THAP9: variants seen among roughly 807,000 people sequenced by gnomAD.
The protein encoded by THAP9 is THAP domain containing 9.
A neutral mutation model predicts 35.7 loss-of-function variants in THAP9; 20 were observed. The ratio of observed to expected loss-of-function variants is 0.56; its 90% CI spans 0.39 to 0.81. THAP9 has a LOEUF of 0.81. Among genes scored for constraint, THAP9 ranks in the 40% least tolerant of loss-of-function variants. THAP9 has a pLI of 0.00. For synonymous variants in THAP9, 335 were observed against 373.7 expected, an observed-to-expected ratio of 0.90 and a Z score of 1.19; for missense variants, 870 against 1,047.4, an observed-to-expected ratio of 0.83 and a Z score of 2.34.
intron 4 of THAP9, among the ~76,000 whole-genome samples, chr4:82,911,904 G>C (rs1044479694): frequency 2.0e-5 from 3 of 152,140 alleles, no homozygotes; most frequent in Admixed American, 6.5e-5. Flanking sequence ...CATAATGATG[G>C]AGAAACAATT....
At chr4:82,905,430 C>G (rs1157687061) in intron 2 of THAP9, among the ~76,000 whole-genome samples, 1 of 152,032 alleles carries the variant, frequency 6.6e-6, no homozygotes, top group East Asian at 1.9e-4. Flanking sequence ...TTATTTTATC[C>G]TTTTACCCCT....
chr4:82,917,025 T>A lies in THAP9; in HGVS notation c.813T>A (p.Asp271Glu). The A allele has an allele frequency of 6.3e-7, 1 of 1,597,406 alleles. No homozygotes were observed. The highest frequency in any genetic ancestry group is 1.1e-5 in the South Asian group (1 of 88,448). ...SFLQRRVENG[D>E]QLYQYCSLLI... ...TTCAACGAAGAGTAGAGAATGGAGA[T>A]CAGCTCTATCAATACTGTTCATTGT... The change falls in exon 5 of 5, where the codon GAT becomes GAA. Residue 271 changes from aspartate to glutamate, a missense_variant. Asp to Glu is a conservative substitution (Grantham distance 45). Coordinates refer to ENST00000302236, the MANE Select transcript of THAP9 (RefSeq NM_024672.6).
In THAP9 at chr4:82,919,215, A is replaced by G. The variant is rs1490747449; in HGVS notation, c.*291A>G. 1.3e-5 allele frequency: 3 copies of G among 223,588 alleles called. No homozygotes were observed. Among genetic ancestry groups the G allele is most frequent in the Non-Finnish European group, 2.6e-5 (3 of 113,914 alleles). The allele number at this position is 223,588 out of a possible 1,614,324, so 13.9% of individuals were successfully genotyped here. A position where few individuals can be genotyped will look rare whatever the true frequency, so the allele number is the denominator to read the frequency against. ...GTAAGACTAAGCAGTGTTACTGGAC[A>G]CAGTTTTAACTTGTTCAATCTGCTT... On this transcript the variant is annotated 3_prime_UTR_variant, in exon 5 of 5. Coordinates refer to ENST00000302236, the MANE Select transcript of THAP9 (RefSeq NM_024672.6).
intron 1 of THAP9, among the ~76,000 whole-genome samples, chr4:82,904,058 CTTTTTTTTTTT>C (rs59655406): frequency 2.4e-5 from 2 of 82,210 alleles, no homozygotes; most frequent in South Asian, 3.7e-4. Context: ...TAGGCTCCCC[CTTTTTTTTTTT>C]TTTTTTTTTT....
intron 4 of THAP9, 114 bp downstream of exon 4, chr4:82,908,049 T>A (rs1720725381): frequency 1.7e-6 from 2 of 1,168,596 alleles, no homozygotes; most frequent in African/African-American, 3.2e-5. Context: ...TGTTGCATTT[T>A]ACTTATTAAG....
chr4:82,907,885 TGATTATGTAAGAAA>T lies in THAP9; in HGVS notation c.686_699del (p.Tyr229SerfsTer2). On this transcript the variant is annotated frameshift_variant, in exon 4 of 5. Coordinates refer to ENST00000302236, the MANE Select transcript of THAP9 (RefSeq NM_024672.6). LOFTEE classifies it low-confidence loss of function (END_TRUNC). ...TCTACTTGTGCAGTAGCAAAGTCTA[TGATTATGTAAGAAA>T]GATTCTTAAGCTGCCTCATTCTTCC... 1 of 1,612,306 alleles carries T rather than the reference TGATTATGTAAGAAA, an allele frequency of 6.2e-7. No homozygotes were observed. The highest frequency in any genetic ancestry group is 1.3e-5 in the African/African-American group (1 of 75,028).
intron 4 of THAP9, among the ~76,000 whole-genome samples, chr4:82,909,414 T>C (rs1463892899): frequency 8.3e-6 from 1 of 120,250 alleles, no homozygotes; most frequent in Non-Finnish European, 1.6e-5. Flanking sequence ...ATTTAGAGTA[T>C]TTCCTTCCTG....
At chr4:82,904,252 A>G (rs979574848) in intron 1 of THAP9, among the ~76,000 whole-genome samples, 3 of 151,858 alleles carry the variant, frequency 2.0e-5, no homozygotes, top group African/African-American at 7.3e-5. Flanking sequence ...TTTAGTAGAG[A>G]CGGGGTTTCA....
In THAP9 at chr4:82,910,841, G is replaced by A. The variant is rs746687154; in HGVS notation, c.731+2906G>A. Reference sequence around the variant, plus strand: ...GATGAGGACAGAGAATTGACCATTGGATTTTGCAAGATGAAGGTCATTGAT... The same window carrying A: ...GATGAGGACAGAGAATTGACCATTGAATTTTGCAAGATGAAGGTCATTGAT... On this transcript the variant is annotated intron_variant, in intron 4 of 4. Transcript: ENST00000302236. The A allele has an allele frequency of 3.1e-5, 10 of 326,644 alleles. No homozygotes were observed. In the Middle Eastern group the frequency reaches 1.2e-3, roughly 39 times the overall value. 20.2% of individuals were successfully genotyped at this position (326,644 alleles called of 1,614,324 possible).
chr4:82,915,897 A>G (rs1721018729), intron 4 of THAP9, among the ~76,000 whole-genome samples: 1 of 151,922 alleles, frequency 6.6e-6, no homozygotes, highest in Non-Finnish European at 1.5e-5. Flanking sequence ...TCAGAAGTCA[A>G]CTCTGTGTGT....
At chr4:82,913,189 TCTTA>T (rs1720923765) in intron 4 of THAP9, 1 of 152,188 alleles carries the variant, frequency 6.6e-6, no homozygotes, top group Non-Finnish European at 1.5e-5. Flanking sequence ...GCCTACTCTT[TCTTA>T]TAAAAACTTT....
intron 1 of THAP9, 168 bp downstream of exon 1, chr4:82,901,050 T>A (rs1720329768): frequency 3.7e-6 from 3 of 815,426 alleles, no homozygotes; most frequent in Non-Finnish European, 6.2e-6. Flanking sequence ...ACTGTGAGAA[T>A]TGAGATTCTC....
chr4:82,905,297 A>G (rs1235710784), intron 2 of THAP9, among the ~76,000 whole-genome samples: 1 of 152,200 alleles, frequency 6.6e-6, no homozygotes, highest in Non-Finnish European at 1.5e-5. Flanking sequence ...AATGTTATTT[A>G]TCTTGATCAA....
rs1199192047 is a variant in THAP9 at position 82,918,583 on chromosome 4, G to A, written c.2371G>A (p.Val791Ile). The A allele has an allele frequency of 6.2e-7, 1 of 1,613,870 alleles. No individual in the cohort carries two copies. Among genetic ancestry groups the A allele is most frequent in the African/African-American group, 1.3e-5 (1 of 74,906 alleles). ...TTCAAGAATGGCAATTTTTGAACTA[G>A]TTTCTAAACAAAGGGAATTGTATCT... is the stretch of plus-strand genomic sequence containing the variant. ...THSRMAIFELVSKQRELYLQQ... is the reference protein window; with the variant it reads ...THSRMAIFELISKQRELYLQQ... Residue 791 changes from valine (V) to isoleucine (I), a missense_variant, in exon 5 of 5, where the codon GTT (valine) becomes ATT (isoleucine). Physicochemically the swap from Val to Ile is conservative, Grantham distance 29. Coordinates refer to ENST00000302236, the MANE Select transcript of THAP9 (RefSeq NM_024672.6).
Position 82,900,767 on chromosome 4 carries a change from G to T in THAP9, c.-36G>T. 6.2e-7 allele frequency: 1 copy of T among 1,611,062 alleles called. No individual in the cohort carries two copies. The highest frequency in any genetic ancestry group is 1.7e-5 in the Admixed American group (1 of 60,010). On this transcript the variant is annotated 5_prime_UTR_variant, in exon 1 of 5. Transcript: ENST00000302236. ...AAGTGGTCGTGATTCATGCTGTCGC[G>T]GGAACCCCGAAGGTGGGGCCCCACG...
intron 3 of THAP9, among the ~76,000 whole-genome samples, chr4:82,906,854 T>C (rs1412636987): frequency 6.6e-6 from 1 of 152,138 alleles, no homozygotes; most frequent in East Asian, 1.9e-4. Flanking sequence ...AATATTTAAG[T>C]AATTAAAATA....
rs1204014339 is a variant in THAP9, at chr4:82,907,861, C to T, written c.657C>T (p.Leu219=). 1 of 1,611,654 alleles carries T rather than the reference C, an allele frequency of 6.2e-7. No homozygotes were observed. Among genetic ancestry groups the T allele is most frequent in the Non-Finnish European group, 8.5e-7 (1 of 1,178,764 alleles). The stretch of plus-strand genomic sequence containing the variant: ...AAATGAAACAATTTGCATGTACACT[C>T]TACTTGTGCAGTAGCAAAGTCTATG... ...SAEMKQFACT[L]YLCSSKVYDY... is the part of the protein sequence containing the mutation. Residue 219 remains leucine, a synonymous_variant, in exon 4 of 5, where the codon CTC becomes CTT. Transcript: ENST00000302236.
chr4:82,901,765 A>T (rs1266024352), intron 1 of THAP9, among the ~76,000 whole-genome samples: 1 of 151,726 alleles, frequency 6.6e-6, no homozygotes, highest in African/African-American at 2.4e-5. Context: ...CTCCACCTAA[A>T]TTGTTAGCAG....
chr4:82,916,828 A>T, intron 4 of THAP9, 116 bp from the exon 5 acceptor site: 1 of 785,632 alleles, frequency 1.3e-6, no homozygotes, highest in Non-Finnish European at 1.8e-6. Flanking sequence ...TTGGCTGCTT[A>T]TATACTTGGC....
Sources: gnomAD v4.1 joint callset for allele counts (sites outside exome capture counted in the v4.1 genomes callset) on GRCh38, gnomAD v4.1.1 for gene constraint, MANE v1.5 for transcripts, NCBI Gene and HGNC (gene_info 2026-07-23, HGNC 2026-07-21) for gene names.